The following HNRNPC variants were observed in gnomAD, a reference collection of about 807,000 sequenced individuals.
HNRNPC encodes heterogeneous nuclear ribonucleoproteins C1/C2.
A neutral mutation model predicts 33.2 loss-of-function variants in HNRNPC; 3 were observed. The observed-to-expected ratio is 0.09, with a 90% confidence interval of 0.04 to 0.23. The LOEUF is 0.23. HNRNPC is among the 10% of genes least tolerant of loss of function. The pLI, the probability that HNRNPC is intolerant of heterozygous loss-of-function variation, is 1.00. For missense variants in HNRNPC, 143 were observed against 366.7 expected, an observed-to-expected ratio of 0.39 and a Z score of 4.98; for synonymous variants, 121 against 126.7, an observed-to-expected ratio of 0.96 and a Z score of 0.30.
At chr14:21,261,378 C>T (rs941613784) in intron 2 of HNRNPC, among the ~76,000 whole-genome samples, 4 of 152,122 alleles carry the variant, frequency 2.6e-5, no homozygotes, top group South Asian at 4.1e-4. Flanking sequence ...AAAAATAGCT[C>T]TCATACAATA....
rs1891460941 is a variant in HNRNPC, at chr14:21,210,146, CA to C, written c.*1076del. The C allele has an allele frequency of 6.6e-6, 1 of 152,214 alleles. No individual in the cohort carries two copies. The highest frequency in any genetic ancestry group is 2.1e-4 in the South Asian group (1 of 4,812). The allele number at this position is 152,214 out of a possible 1,614,324, so 9.4% of individuals were successfully genotyped here. The stretch of plus-strand genomic sequence containing the variant: ...AGTAATTAAAAGAACAAAATAGAAG[CA>C]GGGGGGTTCCATTATGCAGCTGTCG... On this transcript the variant is annotated 3_prime_UTR_variant, in exon 9 of 9. Transcript: ENST00000553300.
Position 21,209,530 on chromosome 14 carries a change from T to C in HNRNPC, c.*1693A>G, listed in dbSNP as rs1315621736. On this transcript the variant is annotated 3_prime_UTR_variant, in exon 9 of 9. Coordinates refer to ENST00000553300, the MANE Select transcript of HNRNPC (RefSeq NM_004500.4). ...AGAAAACATCAAGTGGGTAGTATTT[T>C]TGACTGAATTAACATACAAAAGAAA... 6.6e-6 allele frequency: 1 copy of C among 152,346 alleles called. No individual in the cohort carries two copies. Among genetic ancestry groups the C allele is most frequent in the East Asian group, 1.9e-4 (1 of 5,188 alleles). The allele number at this position is 152,346 out of a possible 1,614,324, so 9.4% of individuals were successfully genotyped here. A position where few individuals can be genotyped will look rare whatever the true frequency, so the allele number is the denominator to read the frequency against.
chr14:21,245,413 C>A (rs1768194172), intron 2 of HNRNPC, among the ~76,000 whole-genome samples: 1 of 152,136 alleles, frequency 6.6e-6, no homozygotes, highest in African/African-American at 2.4e-5. Context: ...GGAGAAATCG[C>A]TTGAACCCGG....
At chr14:21,222,810 C>T (rs1034990683) in intron 5 of HNRNPC, among the ~76,000 whole-genome samples, 1 of 152,064 alleles carries the variant, frequency 6.6e-6, no homozygotes, top group African/African-American at 2.4e-5. Flanking sequence ...AGGAGAATGG[C>T]GTGAACCAGG....
At chr14:21,238,611 T>C (rs184323436) in intron 2 of HNRNPC, among the ~76,000 whole-genome samples, 22 of 152,300 alleles carry the variant, frequency 1.4e-4, no homozygotes, top group Non-Finnish European at 2.6e-4. Context: ...TTAGTAATAA[T>C]AGTCCAAGTC....
intron 3 of HNRNPC, among the ~76,000 whole-genome samples, chr14:21,231,638 T>C (rs1017061723): frequency 2.0e-5 from 3 of 152,202 alleles, no homozygotes; most frequent in African/African-American, 7.2e-5. Flanking sequence ...TCACAAATTT[T>C]TACAAGGCTA....
chr14:21,263,030 A>G (rs1878478388), intron 2 of HNRNPC: 1 of 152,052 alleles, frequency 6.6e-6, no homozygotes, highest in African/African-American at 2.4e-5. Context: ...TGGGAGAGAA[A>G]AGGTTTACGT....
intron 1 of HNRNPC, chr14:21,264,423 T>C (rs1309216092): frequency 6.6e-6 from 1 of 151,994 alleles, no homozygotes; most frequent in Non-Finnish European, 1.5e-5. Flanking sequence ...AAAATACAGA[T>C]GGAATTAAAA....
chr14:21,245,510 A>G (rs1566629217), intron 2 of HNRNPC, among the ~76,000 whole-genome samples: 3 of 146,836 alleles, frequency 2.0e-5, no homozygotes, highest in African/African-American at 5.1e-5. Flanking sequence ...AAATATATAT[A>G]TATTTCAAAA....
At chr14:21,264,153 T>C (rs1878611663) in intron 1 of HNRNPC, 1 of 151,462 alleles carries the variant, frequency 6.6e-6, no homozygotes, top group Non-Finnish European at 1.5e-5. Context: ...CAAATAGAGA[T>C]GAAATAGTGA....
chr14:21,248,322 C>A (rs1407785656), intron 2 of HNRNPC, among the ~76,000 whole-genome samples: 1 of 152,154 alleles, frequency 6.6e-6, no homozygotes, highest in Non-Finnish European at 1.5e-5. Context: ...GGATTACAGG[C>A]GTGAGCCCCT....
At chr14:21,248,281 A>C (rs1056145094) in intron 2 of HNRNPC, among the ~76,000 whole-genome samples, 1 of 152,208 alleles carries the variant, frequency 6.6e-6, no homozygotes, top group Non-Finnish European at 1.5e-5. Context: ...CCTGGTTTCA[A>C]GTATCTCCCC....
In HNRNPC at chr14:21,233,991, G is replaced by C; in HGVS notation, c.203C>G (p.Ala68Gly). The C allele has an allele frequency of 1.9e-6, 3 of 1,613,722 alleles. No individual in the cohort carries two copies. Among genetic ancestry groups the C allele is most frequent in the Non-Finnish European group, 1.7e-6 (2 of 1,179,812 alleles). ...AGCAATCATTCTGCCATCCTCTCCT[G>C]CTACAGCAGCCCGGGCATTTCTCTC... ...VNERNARAAV[A>G]GEDGRMIAGQ... Residue 68 changes from alanine (A) to glycine (G), a missense_variant, in exon 3 of 9, where the codon GCA becomes GGA. Physicochemically the swap from Ala to Gly is moderately conservative, Grantham distance 60. This residue lies in a region of HNRNPC where 12 missense variants were observed against 113.7 expected (regional missense o/e 0.11). Transcript: ENST00000553300.
At chr14:21,258,116 G>C (rs1048043273) in intron 2 of HNRNPC, among the ~76,000 whole-genome samples, 1 of 152,174 alleles carries the variant, frequency 6.6e-6, no homozygotes, top group African/African-American at 2.4e-5. Context: ...TGCTCAGCCG[G>C]ACACAGTGGC....
intron 1 of HNRNPC, chr14:21,268,698 AAT>A (rs750383274): frequency 1.3e-5 from 2 of 152,236 alleles, no homozygotes; most frequent in Admixed American, 6.5e-5. Flanking sequence ...TGTAAATATT[AAT>A]ATAGTTATAT....
chr14:21,219,243 G>A (rs1166746413), intron 5 of HNRNPC, among the ~76,000 whole-genome samples: 1 of 152,096 alleles, frequency 6.6e-6, no homozygotes, highest in Non-Finnish European at 1.5e-5. Context: ...AGATATGATT[G>A]CTAGGCAACA....
rs576120014 is a variant in HNRNPC, at chr14:21,240,670, G to C, written c.-36-6441C>G. 5.3e-5 allele frequency among the ~76,000 whole-genome samples: 8 copies of C among 152,244 alleles called. No homozygotes were observed. The South Asian group carries it at 1.2e-3, about 24-fold the overall frequency. ...GATAGAGTTCAGGTCACAGGAGATA[G>C]GTGCCGTTCAACCCAACTGTTTTCA... On this transcript the variant is annotated intron_variant, in intron 2 of 8. Transcript: ENST00000553300.
chr14:21,213,397 G>C, intron 5 of HNRNPC: 1 of 375,800 alleles, frequency 2.7e-6, no homozygotes, highest in Admixed American at 4.2e-5. Flanking sequence ...TTTGGCACTG[G>C]ATATAAATGA....
chr14:21,212,218 A>C (rs940996076), intron 6 of HNRNPC, among the ~76,000 whole-genome samples: 1 of 152,130 alleles, frequency 6.6e-6, no homozygotes, highest in African/African-American at 2.4e-5. Flanking sequence ...GCCTCATGAA[A>C]TCCTCCCACT....
Sources: allele counts gnomAD v4.1 joint callset (sites outside exome capture counted in the v4.1 genomes callset), GRCh38; gene constraint gnomAD v4.1.1; regional missense constraint gnomAD v4.1.1; transcripts MANE v1.5; gene names NCBI Gene and HGNC (gene_info 2026-07-23, HGNC 2026-07-21).